Variants in VPS13B observed in about 807,000 individuals in gnomAD.
VPS13B encodes vacuolar protein sorting 13 homolog B.
In VPS13B, 285 loss-of-function variants were observed where a neutral mutation model predicts 426.4. That is an observed-to-expected ratio of 0.67 (90% CI 0.61 to 0.74). VPS13B has a LOEUF of 0.74. Among genes scored for constraint, VPS13B ranks in the 30% least tolerant of loss-of-function variants. The pLI, the probability that VPS13B is intolerant of heterozygous loss-of-function variation, is 0.00. For synonymous variants in VPS13B, 1,676 were observed against 1,676.4 expected, an observed-to-expected ratio of 1.00 and a Z score of 0.01; for missense variants, 4,537 against 4,782.6, an observed-to-expected ratio of 0.95 and a Z score of 1.51.
intron 25 of VPS13B, among the ~76,000 whole-genome samples, chr8:99,485,172 T>G (rs1167460566): frequency 6.6e-6 from 1 of 152,188 alleles, no homozygotes; most frequent in Non-Finnish European, 1.5e-5. Context: ...TCATTTCAAT[T>G]CAACTTTTAA....
At chr8:99,640,373 C>T (rs914360884) in intron 33 of VPS13B, among the ~76,000 whole-genome samples, 24 of 152,032 alleles carry the variant, frequency 1.6e-4, no homozygotes, top group Admixed American at 2.6e-4. Context: ...ACCTCCCAGG[C>T]TCAAGCCATC....
intron 19 of VPS13B, among the ~76,000 whole-genome samples, chr8:99,360,164 TTCTTTCTTTCTTTCTTTCTTTCTTTCTC>T (rs1272387476): frequency 4.0e-4 from 16 of 39,588 alleles, no homozygotes; most frequent in African/African-American, 7.0e-4. Context: ...CTTTCTTTCT[TTCTTTCTTTCTTTCTTTCTTTCTTTCTC>T]TCTCTCTCTC....
rs1196591738 is a variant in VPS13B, at chr8:99,056,999, G to A, written c.291+18433G>A. The stretch of plus-strand genomic sequence containing the variant: ...TGGGGCATTTTTAATATTATCATAT[G>A]TTTAATTTTTTATTTTGATTGTTCA... On this transcript the variant is annotated intron_variant, in intron 3 of 61. Transcript: ENST00000357162. Among the ~76,000 whole-genome samples the A allele has an allele frequency of 6.6e-5, 10 of 152,002 alleles. No homozygotes were observed. In the South Asian group the frequency reaches 1.2e-3, roughly 19 times the overall value.
At chr8:99,837,574 AG>A (rs970636368) in intron 54 of VPS13B, among the ~76,000 whole-genome samples, 90 of 152,248 alleles carry the variant, frequency 5.9e-4, no homozygotes, top group African/African-American at 2.1e-3. Context: ...GATACTTCAA[AG>A]CTAAGAGGAG....
At chr8:99,332,414 C>A (rs1018492077) in intron 19 of VPS13B, among the ~76,000 whole-genome samples, 3 of 151,454 alleles carry the variant, frequency 2.0e-5, no homozygotes, top group Admixed American at 2.0e-4. Flanking sequence ...CCACTTTATG[C>A]AAGTAAGAGA....
intron 31 of VPS13B, among the ~76,000 whole-genome samples, chr8:99,570,984 T>C (rs72674660): frequency 0.031 from 4,794 of 152,316 alleles, 112 homozygotes; most frequent in South Asian, 0.075. Flanking sequence ...ATATTTGTTT[T>C]TTCAACAAGC....
chr8:99,365,004 G>A (rs558945691), intron 19 of VPS13B, among the ~76,000 whole-genome samples: 1 of 151,978 alleles, frequency 6.6e-6, no homozygotes, highest in South Asian at 2.1e-4. Flanking sequence ...CTTCAGTCTT[G>A]GTAGGTTACA....
At chr8:99,484,810 A>G (rs1022403867) in intron 25 of VPS13B, among the ~76,000 whole-genome samples, 10 of 151,816 alleles carry the variant, frequency 6.6e-5, no homozygotes, top group Non-Finnish European at 1.2e-4. Context: ...TCATCATATC[A>G]TAACCATCTG....
In VPS13B at chr8:99,080,760, C is replaced by T. The variant is rs1017704785; in HGVS notation, c.292-15552C>T. Among the ~76,000 whole-genome samples, 6 of 152,124 alleles carry T rather than the reference C, an allele frequency of 3.9e-5. No individual in the cohort carries two copies. In the East Asian group the frequency reaches 7.7e-4, roughly 20 times the overall value. ...TTCTAGAAGATTAATTTTATTGTGACTTAATTTTGTTGATTTCCTTAGCTG... is the reference window on the plus strand; with the variant it reads ...TTCTAGAAGATTAATTTTATTGTGATTTAATTTTGTTGATTTCCTTAGCTG... On this transcript the variant is annotated intron_variant, in intron 3 of 61. Transcript: ENST00000357162.
intron 23 of VPS13B, among the ~76,000 whole-genome samples, chr8:99,462,250 T>G (rs1445426236): frequency 6.6e-6 from 1 of 150,816 alleles, no homozygotes; most frequent in Non-Finnish European, 1.5e-5. Flanking sequence ...TATAAACTCT[T>G]TATTTTCTCC....
At chr8:99,779,146 G>T in intron 42 of VPS13B, 115 bp downstream of exon 42, 1 of 1,031,206 alleles carries the variant, frequency 9.7e-7, no homozygotes. Context: ...AGAGAATGAA[G>T]AATTTGATGG....
chr8:99,805,640 A>G (rs886773705), intron 43 of VPS13B, among the ~76,000 whole-genome samples: 1 of 152,192 alleles, frequency 6.6e-6, no homozygotes, highest in African/African-American at 2.4e-5. Context: ...GAGGTCTTCA[A>G]TGGGAAAACT....
intron 39 of VPS13B, among the ~76,000 whole-genome samples, chr8:99,731,168 C>T (rs976880033): frequency 3.3e-5 from 5 of 152,040 alleles, no homozygotes; most frequent in African/African-American, 9.7e-5. Context: ...AGTGAGAGGC[C>T]GCAGATGTGG....
chr8:99,199,381 C>G (rs1157935572), intron 17 of VPS13B, among the ~76,000 whole-genome samples: 3 of 151,740 alleles, frequency 2.0e-5, no homozygotes, highest in Admixed American at 2.0e-4. Context: ...CCGTGTTAGC[C>G]AGGATGGTCT....
chr8:99,634,958 A>C (rs1026184382), intron 33 of VPS13B, among the ~76,000 whole-genome samples: 1 of 152,008 alleles, frequency 6.6e-6, no homozygotes, highest in Non-Finnish European at 1.5e-5. Context: ...GTCTAGATTA[A>C]ATTAATACAA....
rs1367991312 is a variant in VPS13B at position 99,759,264 on chromosome 8, C to T, written c.7051-7510C>T. 2.0e-5 allele frequency among the ~76,000 whole-genome samples: 3 copies of T among 152,140 alleles called. No individual in the cohort carries two copies. The East Asian group carries it at 5.8e-4, about 29-fold the overall frequency. ...TCATCATCCACAACTGCTGTGACTC[C>T]TAAATCATTATTCCAGCATCTTAAG... On this transcript the variant is annotated intron_variant, in intron 39 of 61. Coordinates refer to ENST00000357162, the MANE Select transcript of VPS13B (RefSeq NM_152564.5).
intron 8 of VPS13B, among the ~76,000 whole-genome samples, chr8:99,127,768 AATTT>A (rs1809509486): frequency 6.6e-6 from 1 of 152,152 alleles, no homozygotes; most frequent in Admixed American, 6.5e-5. Flanking sequence ...TGTATATATT[AATTT>A]ATTTTAAAAT....
At chr8:99,779,242 A>G (rs1482737028) in intron 42 of VPS13B, among the ~76,000 whole-genome samples, 4 of 152,208 alleles carry the variant, frequency 2.6e-5, no homozygotes, top group African/African-American at 9.7e-5. Context: ...TTCTCTACAC[A>G]TGCATTGGAG....
At chr8:99,540,527 T>C (rs950801519) in intron 30 of VPS13B, among the ~76,000 whole-genome samples, 2 of 152,216 alleles carry the variant, frequency 1.3e-5, no homozygotes. Flanking sequence ...ATAAAGTTTA[T>C]ATTGAATGCT....
Sources: allele counts gnomAD v4.1 joint callset (sites outside exome capture counted in the v4.1 genomes callset), GRCh38; gene constraint gnomAD v4.1.1; transcripts MANE v1.5; gene names NCBI Gene and HGNC (gene_info 2026-07-23, HGNC 2026-07-21).